ITPR1: variants seen among roughly 807,000 people sequenced by gnomAD.
ITPR1 encodes the protein inositol 1,4,5-trisphosphate-gated calcium channel ITPR1.
A neutral mutation model predicts 318.4 loss-of-function variants in ITPR1; 96 were observed. That is an observed-to-expected ratio of 0.30 (90% CI 0.26 to 0.36). The LOEUF (loss-of-function observed/expected upper bound fraction) is 0.36. Ranked by LOEUF, ITPR1 falls within the 10% of genes least tolerant of loss-of-function variation. The probability of loss-of-function intolerance (pLI) is 1.00; values close to 1 mark genes in which losing one functional copy is unlikely to be tolerated. For synonymous variants in ITPR1, 1,312 were observed against 1,289.9 expected, an observed-to-expected ratio of 1.02 and a Z score of -0.37; for missense variants, 2,440 against 3,460.2, an observed-to-expected ratio of 0.71 and a Z score of 7.40.
At chr3:4,523,146 G>C (rs1032126845) in intron 4 of ITPR1, among the ~76,000 whole-genome samples, 4 of 152,196 alleles carry the variant, frequency 2.6e-5, no homozygotes, top group Non-Finnish European at 5.9e-5. Flanking sequence ...ACCAAGGGGA[G>C]GGATATGCGT....
Position 4,779,511 on chromosome 3 carries a change from GC to G in ITPR1, c.6292-35del. Reference sequence around the variant, plus strand: ...TGCATTCAGGCCGGGCCCCCAAGCAGCCCCTCTACATTTCCTCTCCCTTTGT... The same window carrying G: ...TGCATTCAGGCCGGGCCCCCAAGCAGCCCTCTACATTTCCTCTCCCTTTGT... On this transcript the variant is annotated intron_variant, in intron 48 of 61. Transcript: ENST00000649015. The surrounding 1 kb of genome is among the most constrained non-coding windows in gnomAD (Gnocchi z 4.0). 6.6e-7 allele frequency: 1 copy of G among 1,510,178 alleles called. No homozygotes were observed. Among genetic ancestry groups the G allele is most frequent in the Non-Finnish European group, 9.2e-7 (1 of 1,087,158 alleles). The allele number at this position is 1,510,178 out of a possible 1,614,324, so 93.5% of individuals were successfully genotyped here.
chr3:4,785,597 C>G (rs1234195266), intron 51 of ITPR1, among the ~76,000 whole-genome samples: 1 of 152,264 alleles, frequency 6.6e-6, no homozygotes, highest in South Asian at 2.1e-4. Context: ...TGCCTAGGAG[C>G]TTGACTGAAG....
At chr3:4,658,390 G>T in intron 13 of ITPR1, 112 bp downstream of exon 13, 1 of 961,432 alleles carries the variant, frequency 1.0e-6, no homozygotes, top group South Asian at 1.9e-5. Flanking sequence ...TTTTATAAAG[G>T]ATTTGGTGAA....
rs532513798 is a variant in ITPR1 at position 4,538,834 on chromosome 3, C to T, written c.163+17740C>T. The stretch of plus-strand genomic sequence containing the variant: ...AAGTGGGAGCTGAACAATGAGAATG[C>T]GTGGACACAGAGAGGGGAGCAACAC... On this transcript the variant is annotated intron_variant, in intron 4 of 61. Coordinates refer to ENST00000649015, the MANE Select transcript of ITPR1 (RefSeq NM_001378452.1). Among the ~76,000 whole-genome samples, 10 of 152,096 alleles carry T rather than the reference C, an allele frequency of 6.6e-5. No homozygotes were observed. In the East Asian group the frequency reaches 7.7e-4, roughly 12 times the overall value.
At chr3:4,552,225 C>G (rs767916425) in intron 4 of ITPR1, among the ~76,000 whole-genome samples, 2 of 152,188 alleles carry the variant, frequency 1.3e-5, no homozygotes, top group Non-Finnish European at 2.9e-5. Context: ...CAGCAGACAA[C>G]AGCTGGGTAT....
At chr3:4,599,320 G>A (rs948779957) in intron 4 of ITPR1, among the ~76,000 whole-genome samples, 12 of 152,246 alleles carry the variant, frequency 7.9e-5, no homozygotes, top group African/African-American at 1.7e-4. Flanking sequence ...TCCTGCTCAC[G>A]CTTGTTTTTT....
chr3:4,636,961 C>A (rs2093209575), intron 5 of ITPR1, among the ~76,000 whole-genome samples: 1 of 152,194 alleles, frequency 6.6e-6, no homozygotes, highest in Admixed American at 6.5e-5. Flanking sequence ...TGTACTTATT[C>A]TAAGCATAGG....
In ITPR1 at chr3:4,586,536, G is replaced by A. The variant is rs539815991; in HGVS notation, c.164-41227G>A. 2.1e-5 allele frequency among the ~76,000 whole-genome samples: 3 copies of A among 141,506 alleles called. No individual in the cohort carries two copies. In the Admixed American group the frequency reaches 2.2e-4, roughly 10 times the overall value. The allele number at this position is 141,506 out of a possible 152,430, so 92.8% of individuals were successfully genotyped here. On this transcript the variant is annotated intron_variant, in intron 4 of 61. Transcript: ENST00000649015. Reference sequence around the variant, plus strand: ...TTTTTTTTTTTTTTTTTGAGACAAGGTCTTGCTCTGTCACCCAGGCTGGAG... The same window carrying A: ...TTTTTTTTTTTTTTTTTGAGACAAGATCTTGCTCTGTCACCCAGGCTGGAG...
At chr3:4,601,797 T>C (rs1267488830) in intron 4 of ITPR1, among the ~76,000 whole-genome samples, 1 of 152,244 alleles carries the variant, frequency 6.6e-6, no homozygotes, top group Non-Finnish European at 1.5e-5. Flanking sequence ...TTTCAATTTT[T>C]TTTATGATAT....
At chr3:4,776,996 A>G (rs2046525742) in intron 47 of ITPR1, among the ~76,000 whole-genome samples, 1 of 152,236 alleles carries the variant, frequency 6.6e-6, no homozygotes, top group East Asian at 1.9e-4. Flanking sequence ...ACAAAAGCCA[A>G]CTGTGCTGCA....
chr3:4,548,143 T>A (rs1182654756), intron 4 of ITPR1, among the ~76,000 whole-genome samples: 1 of 152,214 alleles, frequency 6.6e-6, no homozygotes, highest in Non-Finnish European at 1.5e-5. Context: ...AGACTTTATC[T>A]GACTGTAAGT....
In ITPR1 at chr3:4,710,869, C is replaced by T. The variant is rs1020034677; in HGVS notation, c.4991+396C>T. On this transcript the variant is annotated intron_variant, in intron 38 of 61. Transcript: ENST00000649015. The surrounding 1 kb of genome is among the most constrained non-coding windows in gnomAD (Gnocchi z 4.2). ...GTAATTTCTTAGTTTATGCCTTGTG[C>T]GTAATCTGTAAGCAACAAGCAGACC... Among the ~76,000 whole-genome samples the T allele has an allele frequency of 2.6e-5, 4 of 152,094 alleles. No homozygotes were observed. Among genetic ancestry groups the T allele is most frequent in the African/African-American group, 7.2e-5 (3 of 41,398 alleles).
chr3:4,723,192 CT>C (rs1236157067), intron 40 of ITPR1, among the ~76,000 whole-genome samples: 1 of 152,126 alleles, frequency 6.6e-6, no homozygotes, highest in Non-Finnish European at 1.5e-5. Flanking sequence ...CTTTGTCCTC[CT>C]TGAGTAGGTC....
chr3:4,670,290 A>G (rs2094045499), intron 19 of ITPR1, among the ~76,000 whole-genome samples: 1 of 152,208 alleles, frequency 6.6e-6, no homozygotes, highest in African/African-American at 2.4e-5. Context: ...TTACGTCCTG[A>G]GCTAGTGATA....
Position 4,652,170 on chromosome 3 carries a change from C to T in ITPR1, c.903C>T (p.Ser301=), listed in dbSNP as rs776454785. The change falls in exon 11 of 62, where the codon AGC becomes AGT. Residue 301 remains serine, a synonymous_variant. Transcript: ENST00000649015. The stretch of plus-strand genomic sequence containing the variant: ...GGGGCGGAGCAGGGTATTGGAACAG[C>T]CTTTTCCGTTTCAAGCATCTGGCCA... ...PCRGGAGYWN[S]LFRFKHLATG... 6.2e-6 allele frequency: 10 copies of T among 1,612,964 alleles called. No homozygotes were observed. Among genetic ancestry groups the T allele is most frequent in the Non-Finnish European group, 6.8e-6 (8 of 1,179,614 alleles).
At chr3:4,539,361 A>C (rs1242666481) in intron 4 of ITPR1, among the ~76,000 whole-genome samples, 1 of 152,270 alleles carries the variant, frequency 6.6e-6, no homozygotes, top group East Asian at 1.9e-4. Flanking sequence ...AATTTTATGC[A>C]TGTTCTACTG....
chr3:4,661,781 G>T (rs1167416296), intron 14 of ITPR1, among the ~76,000 whole-genome samples: 1 of 152,058 alleles, frequency 6.6e-6, no homozygotes, highest in African/African-American at 2.4e-5. Context: ...CTTTTTCTCT[G>T]TATATTTACA....
At chr3:4,772,403 AG>A (rs1053077008) in intron 46 of ITPR1, among the ~76,000 whole-genome samples, 1 of 152,236 alleles carries the variant, frequency 6.6e-6, no homozygotes, top group African/African-American at 2.4e-5. Context: ...AATGTTCAGA[AG>A]AGATAAAGTC....
chr3:4,683,579 G>C, intron 27 of ITPR1, 28 bp downstream of exon 27: 1 of 1,613,794 alleles, frequency 6.2e-7, no homozygotes, highest in African/African-American at 1.3e-5. Context: ...CGTGTGTGTT[G>C]TCTGTCCAAG....
Sources: allele counts gnomAD v4.1 joint callset (sites outside exome capture counted in the v4.1 genomes callset), GRCh38; gene constraint gnomAD v4.1.1; non-coding constraint Gnocchi (gnomAD v3.1); transcripts MANE v1.5; gene names NCBI Gene and HGNC (gene_info 2026-07-23, HGNC 2026-07-21).